Variants in AGAP4 observed in about 807,000 individuals in gnomAD.
The protein encoded by AGAP4 is arf-GAP with GTPase, ANK repeat and PH domain-containing protein 4.
In AGAP4, 13 loss-of-function variants were observed where a neutral mutation model predicts 60.7. The observed-to-expected ratio is 0.21, with a 90% CI of 0.14 to 0.34. The LOEUF is 0.34. AGAP4 is among the 10% of genes least tolerant of loss of function. The pLI is 1.00. For missense variants in AGAP4, 169 were observed against 884.0 expected (o/e 0.19, Z 10.26); for synonymous variants, 70 against 339.0 (o/e 0.21, Z 8.72).
chr10:45,851,288 C>A (rs1296102321), upstream of AGAP4, among the ~76,000 whole-genome samples: 71 of 151,908 alleles, frequency 4.7e-4, 2 homozygotes, highest in Middle Eastern at 3.4e-3. Flanking sequence ...CTCAAGAGAC[C>A]TGCATATGAA....
chr10:45,851,157 G>A (rs1347647985), upstream of AGAP4, among the ~76,000 whole-genome samples: 29 of 152,154 alleles, frequency 1.9e-4, no homozygotes, highest in East Asian at 7.7e-4. Context: ...TGAAGCCATG[G>A]GTGTGGAGGT....
At chr10:45,849,473 G>GATGATTATTATT (rs1554900083), upstream of AGAP4, among the ~76,000 whole-genome samples, 263 of 144,100 alleles carry the variant, frequency 1.8e-3, no homozygotes, top group Middle Eastern at 3.8e-3. Flanking sequence ...TGATGATGAT[G>GATGATTATTATT]ATTATTATTA....
At chr10:45,839,382 C>T (rs1383399432) in intron 4 of AGAP4, among the ~76,000 whole-genome samples, 3 of 115,054 alleles carry the variant, frequency 2.6e-5, no homozygotes, top group Non-Finnish European at 5.6e-5. Flanking sequence ...ACTAGAGCCC[C>T]AAGTCCACCT....
chr10:45,853,469 C>T (rs1554900727), intron 1 of AGAP4, among the ~76,000 whole-genome samples: 1 of 151,640 alleles, frequency 6.6e-6, no homozygotes, highest in Non-Finnish European at 1.5e-5. Context: ...GGTACATGCT[C>T]CCTAGCTGTG....
At chr10:45,844,070 T>A (rs2058962305) in intron 3 of AGAP4, among the ~76,000 whole-genome samples, 1 of 150,410 alleles carries the variant, frequency 6.6e-6, no homozygotes, top group African/African-American at 2.5e-5. Context: ...TAAAGAGAAA[T>A]CCATGACTCC....
At chr10:45,835,816 T>C (rs1315698951) in intron 4 of AGAP4, among the ~76,000 whole-genome samples, 15 of 134,524 alleles carry the variant, frequency 1.1e-4, no homozygotes, top group East Asian at 4.6e-4. Context: ...ACAATTCAGT[T>C]ATCATTTGGA....
At chr10:45,850,884 C>T (rs1590045120), upstream of AGAP4, among the ~76,000 whole-genome samples, 1 of 151,954 alleles carries the variant, frequency 6.6e-6, no homozygotes, top group East Asian at 1.9e-4. Context: ...GAATATAAAT[C>T]TCTGTAGGCT....
In AGAP4 at chr10:45,853,607, G is replaced by A. The variant is rs1395395979; in HGVS notation, n.221+48C>T. ...AATTATCATTCTACACACAGGCAGC[G>A]ATAAAGGGAGTAAAAAAACACAGCC... On this transcript the variant is annotated intron_variant and non_coding_transcript_variant, in intron 1 of 9. Coordinates refer to the AGAP4 transcript ENST00000430779. 1.2e-5 allele frequency: 15 copies of A among 1,284,252 alleles called. No individual in the cohort carries two copies. In the African/African-American group the frequency reaches 1.5e-4, roughly 13 times the overall value. 79.6% of individuals were successfully genotyped at this position (1,284,252 alleles called of 1,614,324 possible).
intron 6 of AGAP4, among the ~76,000 whole-genome samples, chr10:45,830,166 T>A (rs2135925665): frequency 6.7e-6 from 1 of 149,550 alleles, no homozygotes; most frequent in Middle Eastern, 3.5e-3. Context: ...TTAGGTCATC[T>A]TATTGCTTCT....
chr10:45,846,262 C>T (rs1292365657), intron 2 of AGAP4, among the ~76,000 whole-genome samples: 3 of 150,902 alleles, frequency 2.0e-5, no homozygotes, highest in South Asian at 2.1e-4. Context: ...TCTGCAGCCC[C>T]GGCTGTGACA....
chr10:45,827,382 G>C lies in AGAP4; in HGVS notation c.594C>G (p.Thr198=), dbSNP rs1332685301. Residue 198 remains threonine (T), a synonymous_variant, in exon 8 of 8, where the codon ACC becomes ACG. Transcript: ENST00000616763. ...CATTTCTTTTCTTCATAATGTGCAC[G>C]GTGGAAACCTGTGTGGAACAGAAGG... The part of the protein sequence containing the change: ...DEQLHSFAVS[T]VHIMKKRNGG... The C allele has an allele frequency of 7.5e-6, 12 of 1,593,700 alleles. No individual in the cohort carries two copies. The African/African-American group carries it at 1.7e-4, about 23-fold the overall frequency.
chr10:45,848,316 T>G (rs1438760093), upstream of AGAP4, among the ~76,000 whole-genome samples: 4 of 140,854 alleles, frequency 2.8e-5, no homozygotes, highest in Non-Finnish European at 4.6e-5. Context: ...ATGCTGAAAC[T>G]TACCAACTCC....
At chr10:45,852,158 C>A (rs1334936275), upstream of AGAP4, among the ~76,000 whole-genome samples, 7 of 149,668 alleles carry the variant, frequency 4.7e-5, no homozygotes, top group African/African-American at 1.7e-4. Context: ...GTGATCTGCC[C>A]GCCTCGGCCT....
At chr10:45,829,907 A>T (rs2135924907) in intron 6 of AGAP4, among the ~76,000 whole-genome samples, 1 of 149,828 alleles carries the variant, frequency 6.7e-6, no homozygotes, top group East Asian at 1.9e-4. Flanking sequence ...ACACAATAAA[A>T]CATAAACCAA....
chr10:45,828,211 G>C (rs2058676219), intron 6 of AGAP4, 131 bp from the exon 7 acceptor site: 1 of 595,144 alleles, frequency 1.7e-6, no homozygotes, highest in South Asian at 2.0e-5. Flanking sequence ...TTCTTCTCTT[G>C]GATCCTGACT....
At chr10:45,834,866 C>G (rs1294405406) in intron 4 of AGAP4, among the ~76,000 whole-genome samples, 3 of 146,476 alleles carry the variant, frequency 2.0e-5, no homozygotes, top group African/African-American at 8.1e-5. Context: ...CTCCGCCTCC[C>G]GGGTTCACGC....
exon 1 of AGAP4, chr10:45,853,673 G>A (rs2059110010): frequency 1.6e-6 from 2 of 1,287,598 alleles, no homozygotes; most frequent in African/African-American, 1.5e-5. Flanking sequence ...GAGTCCAGTG[G>A]GTCCAGAAGC....
chr10:45,848,125 T>G (rs1186599937), upstream of AGAP4, among the ~76,000 whole-genome samples: 1 of 148,130 alleles, frequency 6.8e-6, no homozygotes, highest in Non-Finnish European at 1.5e-5. Context: ...AACACTCCTC[T>G]CCTGTCTTCC....
chr10:45,849,679 T>G (rs1377574582), upstream of AGAP4, among the ~76,000 whole-genome samples: 1 of 151,430 alleles, frequency 6.6e-6, no homozygotes, highest in Non-Finnish European at 1.5e-5. Context: ...TCTCTCTTGT[T>G]GCCCAGGCAG....
Sources: gnomAD v4.1 joint callset for allele counts (sites outside exome capture counted in the v4.1 genomes callset) on GRCh38, gnomAD v4.1.1 for gene constraint, MANE v1.5 for transcripts, NCBI Gene and HGNC (gene_info 2026-07-23, HGNC 2026-07-21) for gene names.